The following CACNA1S variants were observed in gnomAD, a reference collection of about 807,000 sequenced individuals.
CACNA1S encodes the protein calcium voltage-gated channel subunit alpha1 S.
CACNA1S carries 126 observed loss-of-function variants against 207.4 expected under a neutral mutation model. That is an observed-to-expected ratio of 0.61 (90% CI 0.53 to 0.70). The LOEUF (loss-of-function observed/expected upper bound fraction) is 0.70. Ranked by LOEUF, CACNA1S falls within the 30% of genes least tolerant of loss-of-function variation. CACNA1S has a pLI of 0.00. For missense variants in CACNA1S, 2,349 were observed against 2,422.8 expected, an observed-to-expected ratio of 0.97 and a Z score of 0.64; for synonymous variants, 960 against 932.7, an observed-to-expected ratio of 1.03 and a Z score of -0.53.
chr1:201,068,729 G>A (rs1661343838), intron 19 of CACNA1S, among the ~76,000 whole-genome samples: 1 of 151,948 alleles, frequency 6.6e-6, no homozygotes. Context: ...AAAATTAGCT[G>A]GGTGTGGTGG....
intron 26 of CACNA1S, among the ~76,000 whole-genome samples, chr1:201,059,594 C>A (rs1005796258): frequency 2.6e-5 from 4 of 152,216 alleles, no homozygotes; most frequent in African/African-American, 9.6e-5. Context: ...GGCTGCAAGG[C>A]CAAAGCTCAT....
At chr1:201,047,499 C>T in intron 37 of CACNA1S, 26 bp downstream of exon 37, 4 of 1,581,888 alleles carry the variant, frequency 2.5e-6, no homozygotes, top group African/African-American at 2.7e-5. Context: ...TGCTTCTGGA[C>T]TCTGGTCCCC....
In CACNA1S at chr1:201,070,430, G is replaced by T. The variant is rs927454187; in HGVS notation, c.2228-26C>A. On this transcript the variant is annotated intron_variant, in intron 16 of 43. Transcript: ENST00000362061. ...CTGTGGGGAGAGAGAGAGGAATTAG[G>T]GGTGTCTTCCCATGCTTTGCTATGC... is the stretch of plus-strand genomic sequence containing the variant. 4 of 1,612,936 alleles carry T rather than the reference G, an allele frequency of 2.5e-6. No individual in the cohort carries two copies. In the African/African-American group the frequency reaches 4.0e-5, roughly 16 times the overall value.
chr1:201,093,967 T>A lies in CACNA1S; in HGVS notation c.313A>T (p.Ile105Phe). ...IVFSIEAAMK[I>F]IAYGFLFHQD... ...TGGAATAAGAAGCCGTAGGCAATGA[T>A]CTTCATGGCGGCTTCAATCGAGAAG... Residue 105 changes from isoleucine (I) to phenylalanine (F), a missense_variant, in exon 3 of 44, where the codon ATC (isoleucine) becomes TTC (phenylalanine). Coordinates refer to ENST00000362061, the MANE Select transcript of CACNA1S (RefSeq NM_000069.3). The A allele has an allele frequency of 6.2e-7, 1 of 1,614,152 alleles. No homozygotes were observed. Among genetic ancestry groups the A allele is most frequent in the Admixed American group, 1.7e-5 (1 of 60,024 alleles).
intron 2 of CACNA1S, among the ~76,000 whole-genome samples, chr1:201,106,463 C>T (rs1014382885): frequency 6.6e-6 from 1 of 152,174 alleles, no homozygotes; most frequent in African/African-American, 2.4e-5. Context: ...TCCCGCTTGG[C>T]CTTCTACAAT....
intron 2 of CACNA1S, among the ~76,000 whole-genome samples, chr1:201,103,756 G>A (rs1024014097): frequency 8.5e-5 from 13 of 152,220 alleles, no homozygotes; most frequent in Admixed American, 5.9e-4. Context: ...CCCAGATGGC[G>A]AGGGGAATGG....
Position 201,052,543 on chromosome 1 carries a change from C to A in CACNA1S, c.3953+14G>T, listed in dbSNP as rs201077181. 53 of 1,589,900 alleles carry A rather than the reference C, an allele frequency of 3.3e-5. No homozygotes were observed. Among genetic ancestry groups the A allele is most frequent in the Non-Finnish European group, 3.4e-5 (40 of 1,160,264 alleles). ...GTCAGCGGGGTAGGGGTGGGGGTGG[C>A]GGGAGACGCGTGCCTGAAGAGCAGT... On this transcript the variant is annotated intron_variant, in intron 32 of 43. Coordinates refer to ENST00000362061, the MANE Select transcript of CACNA1S (RefSeq NM_000069.3).
chr1:201,053,636 G>C lies in CACNA1S; in HGVS notation c.3667-49C>G, dbSNP rs768013944. 6 of 1,602,590 alleles carry C rather than the reference G, an allele frequency of 3.7e-6. No individual in the cohort carries two copies. In the Admixed American group the frequency reaches 8.3e-5, roughly 22 times the overall value. On this transcript the variant is annotated intron_variant, in intron 29 of 43. Transcript: ENST00000362061. The surrounding 1 kb of genome is among the most constrained non-coding windows in gnomAD (Gnocchi z 5.1). ...TCAGTCTGGGGGCAGAACCTCAGAG[G>C]GGTAAGGGGCAGGGCGGGGAGGGAG...
Position 201,070,290 on chromosome 1 carries a change from A to C in CACNA1S, c.2342T>G (p.Ile781Ser), listed in dbSNP as rs780079690. ...CACCCACTTATTGGTGGGGCTGAAG[A>C]TGAAGAAGGAGCTGGCTTCTGGAAT... ...VPIPEASSFF[I>S]FSPTNKIRVL... is the part of the protein sequence containing the mutation. Residue 781 changes from isoleucine (I) to serine (S), a missense_variant, in exon 17 of 44, where the codon ATC (isoleucine) becomes AGC (serine). By Grantham distance (142) the Ile-to-Ser change is moderately radical. Coordinates refer to ENST00000362061, the MANE Select transcript of CACNA1S (RefSeq NM_000069.3). The C allele has an allele frequency of 5.0e-6, 8 of 1,614,040 alleles. No homozygotes were observed. The highest frequency in any genetic ancestry group is 5.9e-6 in the Non-Finnish European group (7 of 1,180,020).
At position 201,061,981 on chromosome 1, in the gene CACNA1S, A is replaced by T; in HGVS notation, c.3016T>A (p.Ser1006Thr). 1 of 1,614,200 alleles carries T rather than the reference A, an allele frequency of 6.2e-7. No individual in the cohort carries two copies. The highest frequency in any genetic ancestry group is 8.5e-7 in the Non-Finnish European group (1 of 1,180,032). The change falls in exon 24 of 44, where the codon TCC (serine) becomes ACC (threonine). Residue 1006 changes from serine (S) to threonine (T), a missense_variant. Ser to Thr is a moderately conservative substitution (Grantham distance 58). Coordinates refer to ENST00000362061, the MANE Select transcript of CACNA1S (RefSeq NM_000069.3). ...HFDNVLSAMM[S>T]LFTVSTFEGW... The stretch of plus-strand genomic sequence containing the variant: ...TCGAAGGTGGAGACCGTGAAGAGGG[A>T]CATCATGGCTGAGAGCACATTGTCG...
At chr1:201,106,888 T>C (rs576091079) in intron 2 of CACNA1S, among the ~76,000 whole-genome samples, 11 of 152,360 alleles carry the variant, frequency 7.2e-5, no homozygotes, top group African/African-American at 2.4e-4. Context: ...CCTTGGAGGC[T>C]CAACCTCATA....
At position 201,068,451 on chromosome 1, in the gene CACNA1S, C is replaced by T. The variant is rs1215125906; in HGVS notation, c.2550+686G>A. On this transcript the variant is annotated intron_variant, in intron 19 of 43. Coordinates refer to ENST00000362061, the MANE Select transcript of CACNA1S (RefSeq NM_000069.3). ...AGAGACAGGGTTTCATCATGTTGGC[C>T]AGGCTGGTCTGAAACTCTTGACCTC... is the stretch of plus-strand genomic sequence containing the variant. 2.7e-5 allele frequency among the ~76,000 whole-genome samples: 4 copies of T among 150,390 alleles called. No homozygotes were observed. In the East Asian group the frequency reaches 7.9e-4, roughly 30 times the overall value.
intron 2 of CACNA1S, among the ~76,000 whole-genome samples, chr1:201,097,356 C>A (rs1572066947): frequency 6.6e-6 from 1 of 152,154 alleles, no homozygotes; most frequent in South Asian, 2.1e-4. Context: ...TTGCTGACCC[C>A]TCTGGCCTCG....
chr1:201,083,470 G>T, intron 9 of CACNA1S, 148 bp from the exon 10 acceptor site: 1 of 767,980 alleles, frequency 1.3e-6, no homozygotes, highest in Non-Finnish European at 2.3e-6. Flanking sequence ...CATGAGCTAG[G>T]GAGCCAGACT....
intron 28 of CACNA1S, 47 bp downstream of exon 28, chr1:201,058,361 T>C (rs775898317): frequency 4.7e-6 from 7 of 1,502,136 alleles, no homozygotes; most frequent in South Asian, 4.5e-5. Context: ...ATTGAACACA[T>C]GCTCTTGGGC....
Position 201,048,584 on chromosome 1 carries a change from T to C in CACNA1S, c.4439A>G (p.Glu1480Gly). 2.5e-6 allele frequency: 4 copies of C among 1,612,348 alleles called. No individual in the cohort carries two copies. Among genetic ancestry groups the C allele is most frequent in the Admixed American group, 1.7e-5 (1 of 60,032 alleles). The change falls in exon 36 of 44, where the codon GAA (glutamate) becomes GGA (glycine). Residue 1480 changes from glutamate to glycine, a missense_variant and splice_region_variant. Transcript: ENST00000362061. ...CTCACATTGGAAGGCACTCTCACCT[T>C]CCGTCTTGATCTTGAGTGCCGTGCG... ...LVRTALKIKT[E>G]GNFEQANEEL...
intron 2 of CACNA1S, among the ~76,000 whole-genome samples, chr1:201,094,333 T>C (rs1476631069): frequency 2.0e-5 from 3 of 152,190 alleles, no homozygotes; most frequent in Non-Finnish European, 4.4e-5. Flanking sequence ...TTAGCACTTA[T>C]CCTTAGCTTA....
At chr1:201,091,928 G>T in intron 4 of CACNA1S, 44 bp downstream of exon 4, 1 of 1,612,998 alleles carries the variant, frequency 6.2e-7, no homozygotes, top group Non-Finnish European at 8.5e-7. Flanking sequence ...CAAGGGAACA[G>T]GAAGGGAGAG....
At chr1:201,069,635 G>A (rs772784275) in intron 17 of CACNA1S, 34 bp from the exon 18 acceptor site, 45 of 1,549,850 alleles carry the variant, frequency 2.9e-5, no homozygotes, top group Non-Finnish European at 3.8e-5. Context: ...CAGGGGAGCT[G>A]TGAGCTGCTG....
Sources: allele counts gnomAD v4.1 joint callset (sites outside exome capture counted in the v4.1 genomes callset), GRCh38; gene constraint gnomAD v4.1.1; non-coding constraint Gnocchi (gnomAD v3.1); transcripts MANE v1.5; gene names NCBI Gene and HGNC (gene_info 2026-07-23, HGNC 2026-07-21).